Variants in DIAPH2 observed in about 807,000 individuals in gnomAD.
DIAPH2 encodes diaphanous related formin 2.
In DIAPH2, 35 loss-of-function variants were observed where a neutral mutation model predicts 92.7. The observed-to-expected ratio is 0.38, with a 90% CI of 0.29 to 0.50. The LOEUF (loss-of-function observed/expected upper bound fraction) is 0.50. DIAPH2 is among the 20% of genes least tolerant of loss of function. The pLI, the probability that DIAPH2 is intolerant of heterozygous loss-of-function variation, is 0.94. For missense variants in DIAPH2, 701 were observed against 819.5 expected, an observed-to-expected ratio of 0.86 and a Z score of 1.77; for synonymous variants, 301 against 280.4, an observed-to-expected ratio of 1.07 and a Z score of -0.73.
At chrX:97,375,981 G>A (rs2069496447) in intron 24 of DIAPH2, among the ~76,000 whole-genome samples, 1 of 110,582 alleles carries the variant, frequency 9.0e-6, no homozygotes, top group Non-Finnish European at 1.9e-5. Flanking sequence ...CTCATTCTAA[G>A]ACAAATGTTC....
chrX:96,871,544 G>T (rs898123171), intron 4 of DIAPH2, among the ~76,000 whole-genome samples: 2 of 107,225 alleles, frequency 1.9e-5, no homozygotes, highest in South Asian at 8.3e-4. Flanking sequence ...AGTAAATGCA[G>T]TGTAATTCCA....
At chrX:96,872,871 C>T (rs767995102) in intron 4 of DIAPH2, among the ~76,000 whole-genome samples, 1 of 111,779 alleles carries the variant, frequency 8.9e-6, no homozygotes, top group East Asian at 2.8e-4. Flanking sequence ...ATTGTGAATA[C>T]TGCTGCAATA....
intron 21 of DIAPH2, among the ~76,000 whole-genome samples, chrX:97,119,960 G>A (rs1169700647): frequency 1.8e-5 from 2 of 111,535 alleles, no homozygotes; most frequent in Non-Finnish European, 3.8e-5. Context: ...CTTGCCCCAG[G>A]CTACCCACCT....
chrX:97,594,403 T>C (rs1019420590), intron 26 of DIAPH2, among the ~76,000 whole-genome samples: 1 of 112,468 alleles, frequency 8.9e-6, no homozygotes, highest in African/African-American at 3.2e-5. Flanking sequence ...TAAAACCATT[T>C]TGGACACAAG....
At chrX:97,350,183 G>A (rs975854260) in intron 24 of DIAPH2, among the ~76,000 whole-genome samples, 2 of 110,376 alleles carry the variant, frequency 1.8e-5, no homozygotes, top group South Asian at 4.0e-4. Context: ...GGTGGCGGGT[G>A]CCTGTAATCC....
intron 24 of DIAPH2, among the ~76,000 whole-genome samples, chrX:97,383,053 A>G (rs2069565989): frequency 8.9e-6 from 1 of 112,196 alleles, no homozygotes; most frequent in Admixed American, 9.5e-5. Flanking sequence ...CTGAACTCAA[A>G]GGAAGTTGAT....
At chrX:96,869,557 CACTACT>C (rs58876338) in intron 4 of DIAPH2, among the ~76,000 whole-genome samples, 4,121 of 97,906 alleles carry the variant, frequency 0.042, 233 homozygotes, top group African/African-American at 0.15. Context: ...CTACTACTAC[CACTACT>C]ACTACTACTA....
At chrX:97,041,144 C>T (rs1004177712) in intron 17 of DIAPH2, among the ~76,000 whole-genome samples, 1 of 110,422 alleles carries the variant, frequency 9.1e-6, no homozygotes, top group Non-Finnish European at 1.9e-5. Context: ...ATATTTTTTC[C>T]TGTAACTATT....
At chrX:96,954,580 G>A (rs5920981) in intron 15 of DIAPH2, among the ~76,000 whole-genome samples, 12,888 of 111,268 alleles carry the variant, frequency 0.12, 965 homozygotes, top group African/African-American at 0.27. Context: ...TTTATATTGG[G>A]ATGAGGATGG....
chrX:96,823,385 A>G (rs759408592), intron 4 of DIAPH2, among the ~76,000 whole-genome samples: 1 of 111,260 alleles, frequency 9.0e-6, no homozygotes, highest in African/African-American at 3.2e-5. Flanking sequence ...TAAATAATCT[A>G]TATAATTATA....
chrX:97,128,509 C>T (rs1305112072), intron 21 of DIAPH2, among the ~76,000 whole-genome samples: 1 of 111,534 alleles, frequency 9.0e-6, no homozygotes, highest in Non-Finnish European at 1.9e-5. Context: ...TTACCCAGCT[C>T]CTATTTAAGA....
At chrX:97,191,326 CAAAAAAAAAAA>C (rs1366993035) in intron 22 of DIAPH2, among the ~76,000 whole-genome samples, 1 of 78,773 alleles carries the variant, frequency 1.3e-5, no homozygotes, top group Admixed American at 1.4e-4. Context: ...GAAACTCTCT[CAAAAAAAAAAA>C]GAAAAAAAAA....
At chrX:97,437,982 TAGGG>T (rs1274243927) in intron 26 of DIAPH2, among the ~76,000 whole-genome samples, 2 of 107,029 alleles carry the variant, frequency 1.9e-5, no homozygotes, top group African/African-American at 6.8e-5. Flanking sequence ...AAAAAAAAAT[TAGGG>T]AAGAAGAGAA....
chrX:96,815,270 T>C (rs2064722996), intron 4 of DIAPH2, among the ~76,000 whole-genome samples: 2 of 111,987 alleles, frequency 1.8e-5, no homozygotes, highest in Non-Finnish European at 3.8e-5. Flanking sequence ...GCCAGGCTGC[T>C]GCCTCGCAGG....
chrX:97,000,400 C>T (rs1463270814), intron 17 of DIAPH2, among the ~76,000 whole-genome samples: 3 of 112,007 alleles, frequency 2.7e-5, no homozygotes, highest in Non-Finnish European at 3.8e-5. Flanking sequence ...CATTTAATCC[C>T]GCAGCTTTTA....
At chrX:96,844,830 C>G (rs1171091134) in intron 4 of DIAPH2, among the ~76,000 whole-genome samples, 1 of 111,999 alleles carries the variant, frequency 8.9e-6, no homozygotes, top group East Asian at 2.8e-4. Flanking sequence ...CCCCCCTATT[C>G]ATCGAAAACA....
intron 24 of DIAPH2, among the ~76,000 whole-genome samples, chrX:97,368,999 C>A (rs2069413892): frequency 1.9e-5 from 2 of 106,750 alleles, no homozygotes; most frequent in African/African-American, 6.9e-5. Flanking sequence ...CCTCCACCTC[C>A]CAGGTTCAAG....
chrX:97,370,776 A>G (rs5921804), intron 24 of DIAPH2, among the ~76,000 whole-genome samples: 3,060 of 111,773 alleles, frequency 0.027, 35 homozygotes, highest in Middle Eastern at 0.041. Context: ...GAGTAACAAA[A>G]TATGTGGTCA....
chrX:97,024,311 A>G (rs757248759), intron 17 of DIAPH2, among the ~76,000 whole-genome samples: 2 of 112,386 alleles, frequency 1.8e-5, no homozygotes, highest in Non-Finnish European at 3.8e-5. Flanking sequence ...CTAAATGGAG[A>G]AATTCTGTGA....
Sources: allele counts gnomAD v4.1 joint callset (sites outside exome capture counted in the v4.1 genomes callset), GRCh38; gene constraint gnomAD v4.1.1; transcripts MANE v1.5; gene names NCBI Gene and HGNC (gene_info 2026-07-23, HGNC 2026-07-21).